ZNF138: variants seen among roughly 807,000 people sequenced by gnomAD.
ZNF138 encodes the protein zinc finger protein 138.
ZNF138 carries 33 observed loss-of-function variants against 33.0 expected under a neutral mutation model. The observed-to-expected ratio is 1.00, with a 90% CI of 0.76 to 1.34. ZNF138 has a LOEUF of 1.34. Among genes scored for constraint, ZNF138 ranks in the 40% most tolerant of loss-of-function variants. The probability of loss-of-function intolerance (pLI) is 0.00; values close to 1 mark genes in which losing one functional copy is unlikely to be tolerated. For missense variants in ZNF138, 360 were observed against 370.8 expected (o/e 0.97, Z 0.24); for synonymous variants, 139 against 120.4 (o/e 1.15, Z -1.01).
At chr7:64,803,869 C>T (rs1245833033) in intron 1 of ZNF138, among the ~76,000 whole-genome samples, 2 of 151,974 alleles carry the variant, frequency 1.3e-5, no homozygotes, top group African/African-American at 2.4e-5. Context: ...CTAATTTATC[C>T]AATAGAGATA....
At position 64,802,234 on chromosome 7, in the gene ZNF138, A is replaced by G. The variant is rs554553649; in HGVS notation, c.3+7663A>G. ...ATCTGAAGACCTCGGATCAATAGAA[A>G]GAAAATGTTCAGGTTAAGATAAAGG... On this transcript the variant is annotated intron_variant, in intron 1 of 3. Transcript: ENST00000307355. Among the ~76,000 whole-genome samples the G allele has an allele frequency of 3.9e-5, 6 of 152,344 alleles. No individual in the cohort carries two copies. The East Asian group carries it at 5.8e-4, about 15-fold the overall frequency.
In ZNF138 at chr7:64,794,442, G is replaced by C; in HGVS notation, c.-127G>C. On this transcript the variant is annotated 5_prime_UTR_variant, in exon 1 of 4. Transcript: ENST00000307355. ...GCGGGGTCTTTGTCTCGCTGCAGCG[G>C]GTGCTGCAGGTCTGGCCTTCACTTT... 1.8e-5 allele frequency: 24 copies of C among 1,369,722 alleles called. No individual in the cohort carries two copies. The highest frequency in any genetic ancestry group is 2.4e-5 in the Non-Finnish European group (23 of 972,318). The allele number at this position is 1,369,722 out of a possible 1,614,324, so 84.8% of individuals were successfully genotyped here.
intron 1 of ZNF138, chr7:64,814,151 A>C (rs1321123772): frequency 6.9e-6 from 8 of 1,162,198 alleles, no homozygotes; most frequent in Non-Finnish European, 8.6e-6. Context: ...ATTAGCGGTG[A>C]GCTTGTTAGA....
intron 3 of ZNF138, among the ~76,000 whole-genome samples, chr7:64,825,333 C>A (rs1276415503): frequency 1.3e-5 from 2 of 149,538 alleles, no homozygotes; most frequent in Non-Finnish European, 3.0e-5. Context: ...CCAACAGGGC[C>A]GGCTAATTTT....
chr7:64,847,332 A>ATATAT, the ZNF138 span, among the ~76,000 whole-genome samples: 419 of 128,112 alleles, frequency 3.3e-3, 1 homozygote, highest in African/African-American at 8.5e-3. Context: ...ATATATATAT[A>ATATAT]TTTTTTTTTT....
At chr7:64,824,905 C>T (rs1018303373) in intron 3 of ZNF138, among the ~76,000 whole-genome samples, 20 of 151,524 alleles carry the variant, frequency 1.3e-4, no homozygotes, top group African/African-American at 4.4e-4. Context: ...CTCTGTCACC[C>T]AGGCTGGCTC....
chr7:64,853,531 C>T, the ZNF138 span, among the ~76,000 whole-genome samples: 1 of 146,402 alleles, frequency 6.8e-6, no homozygotes, highest in East Asian at 2.0e-4. Flanking sequence ...AGTATGCTGT[C>T]TTCTAAATTT....
chr7:64,811,771 T>C (rs1457049937), intron 1 of ZNF138, among the ~76,000 whole-genome samples: 3 of 152,252 alleles, frequency 2.0e-5, no homozygotes, highest in Admixed American at 6.5e-5. Context: ...GGAACTCTGC[T>C]GTGTCTGCTT....
the ZNF138 span, among the ~76,000 whole-genome samples, chr7:64,846,347 T>G: frequency 6.6e-6 from 1 of 152,192 alleles, no homozygotes; most frequent in Non-Finnish European, 1.5e-5. Flanking sequence ...GTAGATTGCT[T>G]TTGGCATTGT....
the ZNF138 span, chr7:64,853,396 T>G: frequency 8.6e-7 from 1 of 1,161,898 alleles, no homozygotes; most frequent in Non-Finnish European, 1.2e-6. Context: ...GCCCCTCCCT[T>G]CCCTCTGCGA....
chr7:64,822,180 A>G (rs1789218572), intron 3 of ZNF138, among the ~76,000 whole-genome samples: 1 of 151,450 alleles, frequency 6.6e-6, no homozygotes, highest in Non-Finnish European at 1.5e-5. Flanking sequence ...TGGCCTCCCA[A>G]AGTGCTGGGA....
At chr7:64,854,440 C>G in the ZNF138 span, among the ~76,000 whole-genome samples, 2 of 152,176 alleles carry the variant, frequency 1.3e-5, no homozygotes, top group African/African-American at 4.8e-5. Flanking sequence ...GAGGTTTCAC[C>G]AACTTTGCCA....
the ZNF138 span, among the ~76,000 whole-genome samples, chr7:64,838,965 G>A: frequency 6.6e-6 from 1 of 152,110 alleles, no homozygotes; most frequent in African/African-American, 2.4e-5. Context: ...GACTAAGATG[G>A]GGGCCGTGGA....
chr7:64,810,257 A>T (rs1466994484), intron 1 of ZNF138, among the ~76,000 whole-genome samples: 1 of 150,490 alleles, frequency 6.6e-6, no homozygotes, highest in Non-Finnish European at 1.5e-5. Context: ...GGGGCTGGAG[A>T]CTGGCCTGGC....
chr7:64,858,991 G>C, the ZNF138 span, among the ~76,000 whole-genome samples: 5 of 152,080 alleles, frequency 3.3e-5, no homozygotes, highest in South Asian at 1.0e-3. Flanking sequence ...GCAGTGATGT[G>C]ATCTCAGTTC....
Position 64,831,826 on chromosome 7 carries a change from A to G in ZNF138, c.584A>G (p.Tyr195Cys). The G allele has an allele frequency of 6.2e-7, 1 of 1,613,618 alleles. No homozygotes were observed. Among genetic ancestry groups the G allele is most frequent in the Non-Finnish European group, 8.5e-7 (1 of 1,179,890 alleles). The change falls in exon 4 of 4, where the codon TAC becomes TGC. Residue 195 changes from tyrosine to cysteine, a missense_variant. By Grantham distance (194) the Tyr-to-Cys change is radical. Transcript: ENST00000307355. ...HKKIHTRENFYKCEECGKTFN... is the reference protein window; with the variant it reads ...HKKIHTRENFCKCEECGKTFN... ...AAAATTCATACTAGAGAGAATTTCT[A>G]CAAATGTGAAGAGTGTGGAAAAACC...
chr7:64,794,695 T>C (rs1315454290), intron 1 of ZNF138, 124 bp downstream of exon 1: 1 of 1,424,870 alleles, frequency 7.0e-7, no homozygotes, highest in Non-Finnish European at 9.8e-7. Context: ...CCCCGAGTTC[T>C]TGGCACAGCT....
At chr7:64,803,479 A>G (rs1787327569) in intron 1 of ZNF138, among the ~76,000 whole-genome samples, 1 of 152,198 alleles carries the variant, frequency 6.6e-6, no homozygotes. Flanking sequence ...AAGTACTTAC[A>G]TTGCAAAAGC....
At chr7:64,796,660 T>C (rs1436198747) in intron 1 of ZNF138, among the ~76,000 whole-genome samples, 4 of 152,202 alleles carry the variant, frequency 2.6e-5, no homozygotes, top group African/African-American at 4.8e-5. Flanking sequence ...GGCTGGGTGA[T>C]GTCCAAGAGT....
Sources: gnomAD v4.1 joint callset for allele counts (sites outside exome capture counted in the v4.1 genomes callset) on GRCh38, gnomAD v4.1.1 for gene constraint, MANE v1.5 for transcripts, NCBI Gene and HGNC (gene_info 2026-07-23, HGNC 2026-07-21) for gene names.